Variants in SEC14L3 observed in about 807,000 individuals in gnomAD.
SEC14L3 encodes the protein SEC14-like protein 3.
Under a neutral mutation model 57.4 loss-of-function variants are expected in SEC14L3, and 56 were observed. That is an observed-to-expected ratio of 0.97 (90% CI 0.79 to 1.22). SEC14L3 has a LOEUF of 1.22. Ranked by LOEUF, SEC14L3 falls within the 50% of genes most tolerant of loss-of-function variation. SEC14L3 has a pLI of 0.00. For synonymous variants in SEC14L3, 173 were observed against 194.4 expected (o/e 0.89, Z 0.92); for missense variants, 485 against 511.7 (o/e 0.95, Z 0.50).
chr22:30,462,890 C>A (rs980201249), intron 8 of SEC14L3, among the ~76,000 whole-genome samples: 1 of 152,106 alleles, frequency 6.6e-6, no homozygotes, highest in Non-Finnish European at 1.5e-5. Flanking sequence ...GTGCCCACCA[C>A]CATGACTGGC....
At position 30,461,506 on chromosome 22, in the gene SEC14L3, G is replaced by T. The variant is rs891337726; in HGVS notation, c.912-27C>A. ...TGTCAGGGGGAGGGGGAGGAGACAG[G>T]TTGCTGCTCAGCCTGATGGGTCTCT... On this transcript the variant is annotated intron_variant, in intron 10 of 11. Coordinates refer to ENST00000215812, the MANE Select transcript of SEC14L3 (RefSeq NM_174975.5). 5 of 1,613,232 alleles carry T rather than the reference G, an allele frequency of 3.1e-6. No individual in the cohort carries two copies. In the African/African-American group the frequency reaches 6.7e-5, roughly 22 times the overall value.
intron 8 of SEC14L3, among the ~76,000 whole-genome samples, chr22:30,463,786 C>T (rs1197546739): frequency 6.6e-6 from 1 of 152,162 alleles, no homozygotes; most frequent in Non-Finnish European, 1.5e-5. Context: ...CAGCCTGTCA[C>T]TTGTAAACAC....
Position 30,472,017 on chromosome 22 carries a change from T to C in SEC14L3, c.-59A>G, listed in dbSNP as rs1935629631. ...TATAGGCAAGAGGCCAAGCCTAGTT[T>C]GTCAGCCCTGACCCAGCTGGGTCCT... On this transcript the variant is annotated 5_prime_UTR_variant, in exon 1 of 12. Coordinates refer to ENST00000215812, the MANE Select transcript of SEC14L3 (RefSeq NM_174975.5). 1 of 1,520,540 alleles carries C rather than the reference T, an allele frequency of 6.6e-7. No homozygotes were observed. The highest frequency in any genetic ancestry group is 8.8e-7 in the Non-Finnish European group (1 of 1,134,866). 94.2% of individuals were successfully genotyped at this position (1,520,540 alleles called of 1,614,324 possible).
intron 12 of SEC14L3, chr22:30,449,379 T>C (rs1937338104): frequency 3.1e-6 from 4 of 1,270,126 alleles, no homozygotes; most frequent in Non-Finnish European, 4.3e-6. Context: ...TGTCATTCTA[T>C]AATAGAATGA....
At chr22:30,452,738 GGTT>G (rs1935013573) in intron 12 of SEC14L3, among the ~76,000 whole-genome samples, 1 of 134,888 alleles carries the variant, frequency 7.4e-6, no homozygotes. Context: ...TTTTTTGACA[GGTT>G]CTCACTCTGT....
Position 30,461,329 on chromosome 22 carries a change from GGT to G in SEC14L3, c.1060_1061del (p.Thr354LeufsTer16). 6.2e-7 allele frequency: 1 copy of G among 1,605,178 alleles called. No homozygotes were observed. The highest frequency in any genetic ancestry group is 8.5e-7 in the Non-Finnish European group (1 of 1,175,506). On this transcript the variant is annotated frameshift_variant, in exon 11 of 12. Transcript: ENST00000215812. LOFTEE classifies it high-confidence loss of function. ...ACTTACAGACGCCGGCCTCTGAGCA[GGT>G]GAGGTTCCCATCCTCGGGCACCATG... ...AHMVPEDGNL[T>X]CSEAGVYVLR...
In SEC14L3 at chr22:30,470,497, C is replaced by G. The variant is rs763952159; in HGVS notation, c.130+10G>C. On this transcript the variant is annotated intron_variant, in intron 2 of 11. Coordinates refer to ENST00000215812, the MANE Select transcript of SEC14L3 (RefSeq NM_174975.5). ...CCCCTGATCCCAACCTCTCCCACCTCTGCCCTCACCTCGGAGCCAGCGTAG... is the reference window on the plus strand; with the variant it reads ...CCCCTGATCCCAACCTCTCCCACCTGTGCCCTCACCTCGGAGCCAGCGTAG... 2 of 1,614,130 alleles carry G rather than the reference C, an allele frequency of 1.2e-6. No individual in the cohort carries two copies. Among genetic ancestry groups the G allele is most frequent in the South Asian group, 2.2e-5 (2 of 91,072 alleles).
chr22:30,461,416 C>T lies in SEC14L3; in HGVS notation c.975G>A (p.Gly325=), dbSNP rs1935255838. Reference sequence around the variant, plus strand: ...TCATCTCCCCTGCCCGCTGTCGCTCCCCCATCTTGGTCTTCAGGAAAACTC... The same window carrying T: ...TCATCTCCCCTGCCCGCTGTCGCTCTCCCATCTTGGTCTTCAGGAAAACTC... ...GFGVFLKTKM[G]ERQRAGEMTD... is the part of the protein sequence containing the mutation. The change falls in exon 11 of 12, where the codon GGG becomes GGA. Residue 325 remains glycine (G), a synonymous_variant. Transcript: ENST00000215812. 5 of 1,614,058 alleles carry T rather than the reference C, an allele frequency of 3.1e-6. No homozygotes were observed. Among genetic ancestry groups the T allele is most frequent in the Non-Finnish European group, 4.2e-6 (5 of 1,179,980 alleles).
In SEC14L3 at chr22:30,469,906, C is replaced by A. The variant is rs1160672775; in HGVS notation, c.234+113G>T. 4.0e-6 allele frequency: 3 copies of A among 756,188 alleles called. No homozygotes were observed. In the East Asian group the frequency reaches 7.5e-5, roughly 19 times the overall value. The allele number at this position is 756,188 out of a possible 1,614,324, so 46.8% of individuals were successfully genotyped here. ...ATTATGACTGTAGGAAAGGAGACTG[C>A]AGGCCTGCGGGTTCCACAGGCCTCT... On this transcript the variant is annotated intron_variant, in intron 4 of 11. Transcript: ENST00000215812.
Position 30,462,127 on chromosome 22 carries a change from T to A in SEC14L3, c.730A>T (p.Thr244Ser). Residue 244 changes from threonine to serine, a missense_variant, in exon 9 of 12, where the codon ACC becomes TCC. Physicochemically the swap from Thr to Ser is moderately conservative, Grantham distance 58. Coordinates refer to ENST00000215812, the MANE Select transcript of SEC14L3 (RefSeq NM_174975.5). ...PEELPAQFGG[T>S]LTDPDGNPKC... The stretch of plus-strand genomic sequence containing the variant: ...GGGTTCCCATCTGGGTCAGTCAGGG[T>A]GCCCCCAAACTGGGCAGGCAGTTCC... The A allele has an allele frequency of 1.2e-6, 2 of 1,614,108 alleles. No individual in the cohort carries two copies. Among genetic ancestry groups the A allele is most frequent in the African/African-American group, 2.7e-5 (2 of 75,028 alleles).
intron 8 of SEC14L3, 135 bp downstream of exon 8, chr22:30,464,685 C>G: frequency 1.3e-6 from 1 of 780,342 alleles, no homozygotes; most frequent in Admixed American, 1.9e-5. Context: ...CCTGCCTCAG[C>G]CTCCCAAAGT....
intron 8 of SEC14L3, 109 bp downstream of exon 8, chr22:30,464,711 G>A (rs1464533467): frequency 1.2e-5 from 12 of 985,630 alleles, no homozygotes; most frequent in East Asian, 9.7e-5. Context: ...GATTACATTC[G>A]TGAGCCACTG....
rs143513952 is a variant in SEC14L3 at position 30,470,369 on chromosome 22, C to A, written c.131-114G>T. Reference sequence around the variant, plus strand: ...TGGGTGAGACCTTGCTCCCCTACCCCCTTCCCTCCTCTGGACCTGAACATG... The same window carrying A: ...TGGGTGAGACCTTGCTCCCCTACCCACTTCCCTCCTCTGGACCTGAACATG... On this transcript the variant is annotated intron_variant, in intron 2 of 11. Coordinates refer to ENST00000215812, the MANE Select transcript of SEC14L3 (RefSeq NM_174975.5). 1.1e-3 allele frequency: 1,758 copies of A among 1,591,094 alleles called. 1 individual carries two copies. The highest frequency in any genetic ancestry group is 1.3e-3 in the Non-Finnish European group (1,506 of 1,168,368).
intron 12 of SEC14L3, chr22:30,449,337 TAA>T (rs1934935570): frequency 6.9e-7 from 1 of 1,445,478 alleles, no homozygotes; most frequent in Non-Finnish European, 9.3e-7. Context: ...AGGCATATGC[TAA>T]GTTAGTGTTT....
In SEC14L3 at chr22:30,468,659, T is replaced by C; in HGVS notation, c.272A>G (p.Tyr91Cys). The change falls in exon 5 of 12, where the codon TAT (tyrosine) becomes TGT (cysteine). Residue 91 changes from tyrosine (Y) to cysteine (C), a missense_variant. Coordinates refer to ENST00000215812, the MANE Select transcript of SEC14L3 (RefSeq NM_174975.5). ...CCACACGGGGCAGCCATCACGGTCATAGCCACACAGGCCCCCAGGCATGTA... is the reference window on the plus strand; with the variant it reads ...CCACACGGGGCAGCCATCACGGTCACAGCCACACAGGCCCCCAGGCATGTA... The part of the protein sequence containing the change: ...QKYMPGGLCG[Y>C]DRDGCPVWYD... 1.9e-6 allele frequency: 3 copies of C among 1,613,808 alleles called. No homozygotes were observed. The highest frequency in any genetic ancestry group is 2.5e-6 in the Non-Finnish European group (3 of 1,179,904).
chr22:30,471,428 T>A, intron 1 of SEC14L3, among the ~76,000 whole-genome samples: 1 of 152,190 alleles, frequency 6.6e-6, no homozygotes, highest in East Asian at 1.9e-4. Flanking sequence ...AAAACATGGT[T>A]AATAATTATA....
At chr22:30,465,641 C>T (rs1304713942) in intron 7 of SEC14L3, among the ~76,000 whole-genome samples, 1 of 152,170 alleles carries the variant, frequency 6.6e-6, no homozygotes, top group Non-Finnish European at 1.5e-5. Flanking sequence ...ACTAACTAGC[C>T]ATCAAAACAA....
chr22:30,453,041 A>G (rs1935018162), intron 12 of SEC14L3, among the ~76,000 whole-genome samples: 1 of 152,058 alleles, frequency 6.6e-6, no homozygotes, highest in African/African-American at 2.4e-5. Context: ...TTCTATTCTC[A>G]AGAGCCCAAT....
At chr22:30,470,456 A>G in intron 2 of SEC14L3, 51 bp downstream of exon 2, 2 of 1,612,542 alleles carry the variant, frequency 1.2e-6, no homozygotes, top group Non-Finnish European at 1.7e-6. Flanking sequence ...AGTTGAGACC[A>G]GGCCCCTCTT....
Sources: allele counts gnomAD v4.1 joint callset (sites outside exome capture counted in the v4.1 genomes callset), GRCh38; gene constraint gnomAD v4.1.1; transcripts MANE v1.5; gene names NCBI Gene and HGNC (gene_info 2026-07-23, HGNC 2026-07-21).